Variants in TEK observed in about 807,000 individuals in gnomAD.
TEK encodes TEK receptor tyrosine kinase.
A neutral mutation model predicts 131.8 loss-of-function variants in TEK; 43 were observed. The ratio of observed to expected loss-of-function variants is 0.33; its 90% CI spans 0.26 to 0.42. The LOEUF is 0.42. TEK is among the 10% of genes least tolerant of loss of function. TEK has a pLI of 1.00. For missense variants in TEK, 1,162 were observed against 1,384.4 expected, an observed-to-expected ratio of 0.84 and a Z score of 2.55; for synonymous variants, 580 against 491.6, an observed-to-expected ratio of 1.18 and a Z score of -2.38.
rs1413857685 is a variant in TEK at position 27,192,084 on chromosome 9, C to T, written c.1490-405C>T. 11 of 392,242 alleles carry T rather than the reference C, an allele frequency of 2.8e-5. No individual in the cohort carries two copies. In the East Asian group the frequency reaches 7.8e-4, roughly 28 times the overall value. 24.3% of individuals were successfully genotyped at this position (392,242 alleles called of 1,614,324 possible). ...AGTTTTCTGGTCATTTTGAGCAAAC[C>T]TCCTAAGCATCTTTTTCTCTCGATA... On this transcript the variant is annotated intron_variant, in intron 10 of 22. Coordinates refer to ENST00000380036, the MANE Select transcript of TEK (RefSeq NM_000459.5).
intron 1 of TEK, among the ~76,000 whole-genome samples, chr9:27,152,182 C>T (rs1316596680): frequency 6.6e-6 from 1 of 152,190 alleles, no homozygotes; most frequent in Admixed American, 6.5e-5. Context: ...CATACAGTGA[C>T]CATACAGTTA....
intron 1 of TEK, among the ~76,000 whole-genome samples, chr9:27,136,893 A>C (rs1039814835): frequency 1.3e-5 from 2 of 151,988 alleles, no homozygotes; most frequent in South Asian, 4.2e-4. Context: ...GAGAAAAAAA[A>C]TCTCTCCATG....
At chr9:27,223,662 G>T (rs1826183252) in intron 21 of TEK, among the ~76,000 whole-genome samples, 1 of 152,176 alleles carries the variant, frequency 6.6e-6, no homozygotes, top group Admixed American at 6.5e-5. Context: ...ACAGGAGAAA[G>T]CAGGAAAGAT....
chr9:27,125,533 T>TA (rs772554439), intron 1 of TEK, among the ~76,000 whole-genome samples: 1 of 152,162 alleles, frequency 6.6e-6, no homozygotes. Context: ...CTTTTCACCT[T>TA]ATGCCCAGGC....
At chr9:27,122,585 G>A (rs1456409901) in intron 1 of TEK, among the ~76,000 whole-genome samples, 2 of 152,096 alleles carry the variant, frequency 1.3e-5, no homozygotes, top group Non-Finnish European at 2.9e-5. Flanking sequence ...ACTTATAAGA[G>A]CCTTTAGGGT....
chr9:27,222,405 T>C (rs1331775778), intron 21 of TEK, among the ~76,000 whole-genome samples: 2 of 151,906 alleles, frequency 1.3e-5, no homozygotes, highest in African/African-American at 2.4e-5. Flanking sequence ...CCAAGACACA[T>C]AAATCGTTAG....
chr9:27,122,698 G>C (rs985397080), intron 1 of TEK, among the ~76,000 whole-genome samples: 1 of 152,010 alleles, frequency 6.6e-6, no homozygotes, highest in African/African-American at 2.4e-5. Flanking sequence ...GGTAGAGAAA[G>C]AGGAGACTGA....
intron 21 of TEK, among the ~76,000 whole-genome samples, chr9:27,227,722 C>T (rs1233373140): frequency 6.6e-6 from 1 of 152,204 alleles, no homozygotes; most frequent in African/African-American, 2.4e-5. Flanking sequence ...AACACCATCA[C>T]ATGGTTTCAA....
intron 21 of TEK, among the ~76,000 whole-genome samples, chr9:27,222,509 A>C (rs972484136): frequency 6.6e-6 from 1 of 152,214 alleles, no homozygotes; most frequent in African/African-American, 2.4e-5. Flanking sequence ...GACTAACAGT[A>C]GACCTCTCTG....
At chr9:27,123,362 G>T (rs1020583469) in intron 1 of TEK, among the ~76,000 whole-genome samples, 17 of 152,160 alleles carry the variant, frequency 1.1e-4, no homozygotes, top group African/African-American at 4.1e-4. Flanking sequence ...ATATGCGGGG[G>T]TGTAAAGGGA....
rs190522156 is a variant in TEK, at chr9:27,229,475, A to G, written c.*243A>G. 12 of 534,324 alleles carry G rather than the reference A, an allele frequency of 2.2e-5. No homozygotes were observed. In the East Asian group the frequency reaches 3.8e-4, roughly 17 times the overall value. 33.1% of individuals were successfully genotyped at this position (534,324 alleles called of 1,614,324 possible). ...TCAGAATGCCTGTTTGTGGTTTCATATGCAATAATATATTTTTTTAAAAAT... is the reference window on the plus strand; with the variant it reads ...TCAGAATGCCTGTTTGTGGTTTCATGTGCAATAATATATTTTTTTAAAAAT... On this transcript the variant is annotated 3_prime_UTR_variant, in exon 23 of 23. Transcript: ENST00000380036.
intron 4 of TEK, 116 bp downstream of exon 4, chr9:27,169,745 G>A: frequency 3.5e-6 from 5 of 1,417,746 alleles, no homozygotes; most frequent in Middle Eastern, 2.3e-4. Flanking sequence ...GGCATTGGTT[G>A]GAGGTTGTAT....
chr9:27,219,734 A>T (rs879294109), intron 20 of TEK, among the ~76,000 whole-genome samples: 61,054 of 131,474 alleles, frequency 0.46, 14,170 homozygotes, highest in Middle Eastern at 0.58. Context: ...TCAGAAAAAA[A>T]GGTTAATCTT....
intron 1 of TEK, among the ~76,000 whole-genome samples, chr9:27,143,430 G>T (rs1822802011): frequency 6.6e-6 from 1 of 152,142 alleles, no homozygotes; most frequent in Admixed American, 6.5e-5. Flanking sequence ...AGCCAGGGAG[G>T]GGGCACACCT....
intron 16 of TEK, among the ~76,000 whole-genome samples, chr9:27,211,109 G>A (rs1280896338): frequency 2.1e-5 from 3 of 142,802 alleles, no homozygotes; most frequent in Admixed American, 7.0e-5. Flanking sequence ...GCGACAGAGA[G>A]AGACTCAGTT....
chr9:27,109,621 G>A lies in TEK; in HGVS notation c.31G>A (p.Gly11Arg). Residue 11 changes from glycine (G) to arginine (R), a missense_variant, in exon 1 of 23, where the codon GGA (glycine) becomes AGA (arginine). This residue lies in a region of TEK where 436 missense variants were observed against 539.1 expected (regional missense o/e 0.81). Coordinates refer to ENST00000380036, the MANE Select transcript of TEK (RefSeq NM_000459.5). The part of the protein sequence containing the change: MDSLASLVLC[G>R]VSLLLSGTVE... ...CTCTTTAGCCAGCTTAGTTCTCTGT[G>A]GAGTCAGCTTGCTCCTTTCTGGTAA... The A allele has an allele frequency of 6.2e-7, 1 of 1,614,114 alleles. No homozygotes were observed. Among genetic ancestry groups the A allele is most frequent in the East Asian group, 2.2e-5 (1 of 44,884 alleles).
intron 4 of TEK, among the ~76,000 whole-genome samples, chr9:27,171,982 G>A (rs1356109979): frequency 6.6e-6 from 1 of 152,170 alleles, no homozygotes; most frequent in African/African-American, 2.4e-5. Context: ...AGGAAGGTCA[G>A]ACATACCTAT....
At position 27,157,843 on chromosome 9, in the gene TEK, G is replaced by A; in HGVS notation, c.65G>A (p.Gly22Asp). The A allele has an allele frequency of 6.2e-7, 1 of 1,614,050 alleles. No homozygotes were observed. The highest frequency in any genetic ancestry group is 8.5e-7 in the Non-Finnish European group (1 of 1,180,000). ...TCTTTCCTTTTAGGAACTGTGGAAG[G>A]TGCCATGGACTTGATCTTGATCAAT... ...VSLLLSGTVE[G>D]AMDLILINSL... Residue 22 changes from glycine (G) to aspartate (D), a missense_variant, in exon 2 of 23, where the codon GGT becomes GAT. Gly to Asp is a moderately conservative substitution (Grantham distance 94). Transcript: ENST00000380036.
At chr9:27,129,260 G>A (rs1822118628) in intron 1 of TEK, among the ~76,000 whole-genome samples, 1 of 152,172 alleles carries the variant, frequency 6.6e-6, no homozygotes, top group Non-Finnish European at 1.5e-5. Flanking sequence ...CTGTTTATGT[G>A]ATGGATTATG....
Sources: allele counts gnomAD v4.1 joint callset (sites outside exome capture counted in the v4.1 genomes callset), GRCh38; gene constraint gnomAD v4.1.1; regional missense constraint gnomAD v4.1.1; transcripts MANE v1.5; gene names NCBI Gene and HGNC (gene_info 2026-07-23, HGNC 2026-07-21).